The following THSD4 variants were observed in gnomAD, a reference collection of about 807,000 sequenced individuals.
THSD4 encodes thrombospondin type-1 domain-containing protein 4.
THSD4 carries 69 observed loss-of-function variants against 119.0 expected under a neutral mutation model. The ratio of observed to expected loss-of-function variants is 0.58; its 90% CI spans 0.48 to 0.71. THSD4 has a LOEUF of 0.71. THSD4 is among the 30% of genes least tolerant of loss of function. The probability of loss-of-function intolerance (pLI) is 0.00; values close to 1 mark genes in which losing one functional copy is unlikely to be tolerated. For synonymous variants in THSD4, 524 were observed against 540.4 expected (o/e 0.97, Z 0.42); for missense variants, 1,393 against 1,391.1 (o/e 1.00, Z -0.02).
intron 8 of THSD4, among the ~76,000 whole-genome samples, chr15:71,673,967 G>C (rs2051586771): frequency 6.6e-6 from 1 of 152,162 alleles, no homozygotes; most frequent in Non-Finnish European, 1.5e-5. Flanking sequence ...GATTTAACTG[G>C]CACAGTTGTG....
intron 5 of THSD4, among the ~76,000 whole-genome samples, chr15:71,252,715 G>C (rs2044273572): frequency 6.6e-6 from 1 of 152,220 alleles, no homozygotes; most frequent in Non-Finnish European, 1.5e-5. Context: ...TGAGCCCTAT[G>C]ACCTTATGCA....
intron 6 of THSD4, among the ~76,000 whole-genome samples, chr15:71,401,165 C>T (rs959970544): frequency 2.4e-4 from 36 of 151,622 alleles, no homozygotes; most frequent in Admixed American, 7.9e-4. Context: ...AAATCCAAAA[C>T]CTCAACACTT....
intron 6 of THSD4, among the ~76,000 whole-genome samples, chr15:71,359,292 C>A (rs1392846060): frequency 1.3e-5 from 2 of 152,216 alleles, no homozygotes; most frequent in Non-Finnish European, 2.9e-5. Context: ...TCATTCGCAT[C>A]ACTGTCCTCT....
intron 7 of THSD4, among the ~76,000 whole-genome samples, chr15:71,632,509 A>G (rs529188391): frequency 3.3e-4 from 50 of 152,360 alleles, no homozygotes; most frequent in Non-Finnish European, 5.3e-4. Context: ...GTCCTCCAGC[A>G]TGTTGGAATT....
At chr15:71,131,420 C>T (rs1229759339) in intron 1 of THSD4, among the ~76,000 whole-genome samples, 3 of 150,938 alleles carry the variant, frequency 2.0e-5, no homozygotes, top group Admixed American at 1.3e-4. Flanking sequence ...AAAACATGGC[C>T]GGGCACGGGT....
At chr15:71,547,637 A>G in intron 7 of THSD4, 1 of 824,174 alleles carries the variant, frequency 1.2e-6, no homozygotes, top group Non-Finnish European at 1.8e-6. Flanking sequence ...CTTTTCTTAT[A>G]TGAAGACTTC....
chr15:71,471,064 A>T (rs1157860367), intron 7 of THSD4, among the ~76,000 whole-genome samples: 1 of 152,200 alleles, frequency 6.6e-6, no homozygotes, highest in Non-Finnish European at 1.5e-5. Context: ...AACAAAAAGA[A>T]CTTGCTGGTT....
chr15:71,623,945 C>G (rs1248161578), intron 7 of THSD4, among the ~76,000 whole-genome samples: 3 of 135,598 alleles, frequency 2.2e-5, no homozygotes, highest in Non-Finnish European at 3.3e-5. Flanking sequence ...AAAAAAAAAT[C>G]TAATCAGATA....
At chr15:71,749,202 G>T (rs1185846314) in intron 14 of THSD4, among the ~76,000 whole-genome samples, 1 of 152,246 alleles carries the variant, frequency 6.6e-6, no homozygotes, top group Non-Finnish European at 1.5e-5. Flanking sequence ...CTGGAGGTGT[G>T]GGCTTAAAAG....
chr15:71,344,562 A>G (rs2045629906), intron 6 of THSD4, among the ~76,000 whole-genome samples: 1 of 152,132 alleles, frequency 6.6e-6, no homozygotes, highest in Non-Finnish European at 1.5e-5. Context: ...CACAGACCTC[A>G]CATCCTTTAT....
chr15:71,199,825 G>GGA (rs2043776355), intron 3 of THSD4, among the ~76,000 whole-genome samples: 1 of 144,382 alleles, frequency 6.9e-6, no homozygotes, highest in African/African-American at 2.6e-5. Flanking sequence ...ATGCACGTGT[G>GGA]GGGTGTGTGT....
chr15:71,459,181 CAG>C (rs1163226287), intron 7 of THSD4, among the ~76,000 whole-genome samples: 2 of 110,898 alleles, frequency 1.8e-5, no homozygotes, highest in Non-Finnish European at 3.5e-5. Context: ...TTTTTTTTGA[CAG>C]AGTCTCCCTC....
chr15:71,445,460 G>A (rs2047168535), intron 7 of THSD4, among the ~76,000 whole-genome samples: 1 of 152,100 alleles, frequency 6.6e-6, no homozygotes, highest in Admixed American at 6.5e-5. Flanking sequence ...ATCACCATGG[G>A]AGCAACACTG....
At chr15:71,625,715 A>G (rs993521510) in intron 7 of THSD4, among the ~76,000 whole-genome samples, 1 of 152,226 alleles carries the variant, frequency 6.6e-6, no homozygotes. Flanking sequence ...ATTAATTAGC[A>G]GTAACTATAT....
At position 71,666,672 on chromosome 15, in the gene THSD4, A is replaced by G. The variant is rs116141359; in HGVS notation, c.1357+5938A>G. On this transcript the variant is annotated intron_variant, in intron 8 of 17. Transcript: ENST00000261862. ...TATTTCAAAATGCTTTAGACTTACT[A>G]AAACTTACTGAAGGTATAATTATAG... 9.3e-3 allele frequency among the ~76,000 whole-genome samples: 1,424 copies of G among 152,370 alleles called. 18 individuals carry two copies. The highest frequency in any genetic ancestry group is 0.032 in the African/African-American group (1,347 of 41,592).
chr15:71,188,841 T>C (rs2043641196), intron 3 of THSD4: 1 of 152,674 alleles, frequency 6.5e-6, no homozygotes, highest in African/African-American at 2.4e-5. Context: ...AGTCAGGACA[T>C]GCGCGATCCT....
chr15:71,718,359 G>C (rs8033309), intron 8 of THSD4, among the ~76,000 whole-genome samples: 1 of 151,896 alleles, frequency 6.6e-6, no homozygotes, highest in Non-Finnish European at 1.5e-5. Context: ...TTCCCTGCTC[G>C]TAGCAAGTGG....
intron 6 of THSD4, among the ~76,000 whole-genome samples, chr15:71,381,644 A>G (rs2046230435): frequency 6.6e-6 from 1 of 152,212 alleles, no homozygotes; most frequent in African/African-American, 2.4e-5. Context: ...AAAAGACTTA[A>G]CATGTCCAGT....
At chr15:71,441,569 A>G (rs952268609) in intron 7 of THSD4, among the ~76,000 whole-genome samples, 1 of 148,728 alleles carries the variant, frequency 6.7e-6, no homozygotes, top group Non-Finnish European at 1.5e-5. Context: ...TAATTTTTGT[A>G]TTTTTAGTAG....
Sources: allele counts gnomAD v4.1 joint callset (sites outside exome capture counted in the v4.1 genomes callset), GRCh38; gene constraint gnomAD v4.1.1; transcripts MANE v1.5; gene names NCBI Gene and HGNC (gene_info 2026-07-23, HGNC 2026-07-21).